MICAL3: variants seen among roughly 807,000 people sequenced by gnomAD.
MICAL3 encodes microtubule associated monooxygenase, calponin and LIM domain containing 3, also known as [F-actin]-monooxygenase MICAL3.
Under a neutral mutation model 207.4 loss-of-function variants are expected in MICAL3, and 62 were observed. The ratio of observed to expected loss-of-function variants is 0.30; its 90% CI spans 0.24 to 0.37. The LOEUF (loss-of-function observed/expected upper bound fraction) is 0.37, where lower values mean the gene tolerates loss of function less well. Among genes scored for constraint, MICAL3 ranks in the 10% least tolerant of loss-of-function variants. MICAL3 has a pLI of 1.00. For missense variants in MICAL3, 2,368 were observed against 2,635.6 expected (o/e 0.90, Z 2.22); for synonymous variants, 1,077 against 1,069.3 (o/e 1.01, Z -0.14).
In MICAL3 at chr22:17,822,160, C is replaced by G. The variant is rs572662717; in HGVS notation, c.3318G>C (p.Trp1106Cys). Residue 1106 changes from tryptophan to cysteine, a missense_variant, in exon 24 of 32, where the codon TGG (tryptophan) becomes TGC (cysteine). Around this residue, in one of 4 missense-constraint regions of MICAL3, gnomAD observed 1,770 missense variants for 1,863.2 expected, o/e 0.95. Coordinates refer to ENST00000441493, the MANE Select transcript of MICAL3 (RefSeq NM_015241.3). ...TGTCAGCATCCGACGGGCTGTCAGA[C>G]CAGTGCTGATCTGGCAGAGGGAAGG... ...TGAELDDDQH[W>C]SDSPSDADRE... 49 of 1,613,658 alleles carry G rather than the reference C, an allele frequency of 3.0e-5. No homozygotes were observed. The highest frequency in any genetic ancestry group is 4.1e-5 in the Non-Finnish European group (48 of 1,179,838).
rs1602364872 is a variant in MICAL3 at position 17,992,242 on chromosome 22, C to T, written c.-75+32039G>A. Among the ~76,000 whole-genome samples, 3 of 152,328 alleles carry T rather than the reference C, an allele frequency of 2.0e-5. No individual in the cohort carries two copies. In the South Asian group the frequency reaches 6.2e-4, roughly 32 times the overall value. On this transcript the variant is annotated intron_variant, in intron 1 of 31. Coordinates refer to ENST00000441493, the MANE Select transcript of MICAL3 (RefSeq NM_015241.3). ...CCCAGCCTTTCCTGCAGCCAAAGTG[C>T]AGGGCTGGTCCTCAGGAAGGAGTTG...
intron 1 of MICAL3, among the ~76,000 whole-genome samples, chr22:18,021,927 G>A (rs57620626): frequency 0.19 from 28,981 of 152,078 alleles, 3,276 homozygotes; most frequent in East Asian, 0.38. Context: ...TACCTATCTC[G>A]CAGGAGATCT....
intron 17 of MICAL3, among the ~76,000 whole-genome samples, chr22:17,867,232 T>C (rs1927245940): frequency 6.9e-6 from 1 of 145,044 alleles, no homozygotes; most frequent in Admixed American, 6.9e-5. Context: ...TAGTATACTT[T>C]CTCAGACAGA....
chr22:17,896,850 G>A lies in MICAL3; in HGVS notation c.1080C>T (p.His360=), dbSNP rs775096851. Residue 360 remains histidine (H), a synonymous_variant, in exon 8 of 32, where the codon CAC becomes CAT. Coordinates refer to ENST00000441493, the MANE Select transcript of MICAL3 (RefSeq NM_015241.3). ...QLPSLDFAIN[H]YGQPDVAMFD... is the part of the protein sequence containing the mutation. ...ACATGGCCACATCGGGCTGCCCATA[G>A]TGATTGATGGCAAAATCCAGAGACG... 1.1e-5 allele frequency: 18 copies of A among 1,614,068 alleles called. No individual in the cohort carries two copies. The highest frequency in any genetic ancestry group is 1.5e-5 in the Non-Finnish European group (18 of 1,180,048).
chr22:17,930,864 C>T (rs542014443), intron 1 of MICAL3, among the ~76,000 whole-genome samples: 80 of 152,368 alleles, frequency 5.3e-4, no homozygotes, highest in African/African-American at 1.7e-3. Context: ...CTCCACACTG[C>T]GGCCAGCTCC....
rs769233494 is a variant in MICAL3, at chr22:17,871,916, G to A, written c.2349C>T (p.Phe783=). ...CGCACTTGAAGCAGCTCCGGTGGAA[G>A]AACTTGCCCTCGGCACTCAGCCTCT... ...VMERLSAEGK[F]FHRSCFKCEY... The change falls in exon 17 of 32, where the codon TTC becomes TTT. Residue 783 remains phenylalanine (F), a synonymous_variant. Coordinates refer to ENST00000441493, the MANE Select transcript of MICAL3 (RefSeq NM_015241.3). 4.3e-6 allele frequency: 7 copies of A among 1,611,652 alleles called. No homozygotes were observed. The highest frequency in any genetic ancestry group is 5.9e-6 in the Non-Finnish European group (7 of 1,179,030).
intron 20 of MICAL3, among the ~76,000 whole-genome samples, chr22:17,832,881 G>A (rs1922956400): frequency 6.6e-6 from 1 of 152,164 alleles, no homozygotes; most frequent in Non-Finnish European, 1.5e-5. Context: ...AGGACACTGT[G>A]GGGACACACA....
chr22:17,791,340 G>T, intron 29 of MICAL3, 39 bp from the exon 30 acceptor site: 1 of 1,538,564 alleles, frequency 6.5e-7, no homozygotes, highest in Non-Finnish European at 8.9e-7. Flanking sequence ...AGGGAGTGCC[G>T]CGCCCACCCT....
At chr22:17,929,156 T>C (rs951118745) in intron 1 of MICAL3, among the ~76,000 whole-genome samples, 6 of 150,586 alleles carry the variant, frequency 4.0e-5, no homozygotes, top group African/African-American at 7.4e-5. Context: ...TGGAGTGTAG[T>C]GATGCCATCA....
chr22:17,804,717 C>T (rs1244002599), intron 29 of MICAL3, among the ~76,000 whole-genome samples: 4 of 152,180 alleles, frequency 2.6e-5, no homozygotes, highest in South Asian at 2.1e-4. Flanking sequence ...GCACAGCACT[C>T]GGCCGCCATG....
At chr22:17,794,040 G>A (rs2061851079) in intron 29 of MICAL3, among the ~76,000 whole-genome samples, 1 of 152,182 alleles carries the variant, frequency 6.6e-6, no homozygotes, top group Admixed American at 6.5e-5. Flanking sequence ...TTTCAGCACG[G>A]AACTGAACGA....
intron 16 of MICAL3, among the ~76,000 whole-genome samples, chr22:17,882,643 C>T (rs1458896780): frequency 6.6e-6 from 1 of 152,200 alleles, no homozygotes; most frequent in Non-Finnish European, 1.5e-5. Context: ...CTGTGAGTTC[C>T]GGTTCACAGT....
At chr22:17,860,614 A>G in intron 19 of MICAL3, 1 of 985,514 alleles carries the variant, frequency 1.0e-6, no homozygotes, top group Non-Finnish European at 1.2e-6. Flanking sequence ...CCACCAAAAG[A>G]TAGGAGTGGG....
chr22:17,961,025 G>A (rs1022344709), intron 1 of MICAL3, among the ~76,000 whole-genome samples: 5 of 152,234 alleles, frequency 3.3e-5, no homozygotes, highest in African/African-American at 1.2e-4. Context: ...AGGGAAGAAT[G>A]ACATCGCTAC....
chr22:18,016,226 A>G (rs908332350), intron 1 of MICAL3, among the ~76,000 whole-genome samples: 1 of 152,218 alleles, frequency 6.6e-6, no homozygotes, highest in African/African-American at 2.4e-5. Context: ...GAAGCATAAC[A>G]GTATAATGGT....
intron 16 of MICAL3, chr22:17,872,953 G>T (rs1445489974): frequency 1.2e-6 from 1 of 808,992 alleles, no homozygotes; most frequent in African/African-American, 1.7e-5. Context: ...AAATCTTTGG[G>T]AAGTGCAATT....
chr22:17,809,375 C>T (rs1029414643), intron 28 of MICAL3, among the ~76,000 whole-genome samples: 10 of 152,206 alleles, frequency 6.6e-5, no homozygotes, highest in African/African-American at 1.9e-4. Context: ...GTGGCTCATC[C>T]GTGTAATCCC....
At chr22:17,860,409 TG>T in intron 19 of MICAL3, 1 of 985,428 alleles carries the variant, frequency 1.0e-6, no homozygotes, top group Non-Finnish European at 1.2e-6. Flanking sequence ...AATCCTCTCC[TG>T]TTGGGCTCTC....
At chr22:17,827,540 C>A (rs1354001515) in intron 22 of MICAL3, 104 bp downstream of exon 22, 1 of 1,297,238 alleles carries the variant, frequency 7.7e-7, no homozygotes. Flanking sequence ...CCGTGTGTGA[C>A]CTCATGGGTG....
Sources: gnomAD v4.1 joint callset for allele counts (sites outside exome capture counted in the v4.1 genomes callset) on GRCh38, gnomAD v4.1.1 for gene constraint, gnomAD v4.1.1 regional missense constraint, MANE v1.5 for transcripts, NCBI Gene and HGNC (gene_info 2026-07-23, HGNC 2026-07-21) for gene names.